Variants in MDP1 observed in about 807,000 individuals in gnomAD.
MDP1 encodes magnesium dependent phosphatase 1.
A neutral mutation model predicts 21.6 loss-of-function variants in MDP1; 18 were observed. That is an observed-to-expected ratio of 0.83 (90% CI 0.58 to 1.24). The LOEUF (loss-of-function observed/expected upper bound fraction) is 1.24, where lower values mean the gene tolerates loss of function less well. Ranked by LOEUF, MDP1 falls within the 50% of genes most tolerant of loss-of-function variation. MDP1 has a pLI of 0.00. For synonymous variants in MDP1, 101 were observed against 83.2 expected, an observed-to-expected ratio of 1.21 and a Z score of -1.16; for missense variants, 207 against 218.6, an observed-to-expected ratio of 0.95 and a Z score of 0.33.
chr14:24,214,651 G>C (rs149130187), intron 3 of MDP1, 52 bp from the exon 4 acceptor site: 13 of 1,593,152 alleles, frequency 8.2e-6, no homozygotes, highest in Middle Eastern at 1.8e-4. Context: ...CCAGGGCTAC[G>C]TTAACTTATT....
Position 24,214,374 on chromosome 14 carries a change from A to T in MDP1, c.339T>A (p.Ile113=), listed in dbSNP as rs757926155. Residue 113 remains isoleucine, a synonymous_variant, in exon 5 of 6, where the codon ATT becomes ATA. Coordinates refer to ENST00000288087, the MANE Select transcript of MDP1 (RefSeq NM_138476.4). ...HFERLQQKTG[I]PFSQMIFFDD... ...CAAAGAAGATCATCTGGGAGAAAGGAATTCCAGTCTTCTGCTGCAACCTAT... is the reference window on the plus strand; with the variant it reads ...CAAAGAAGATCATCTGGGAGAAAGGTATTCCAGTCTTCTGCTGCAACCTAT... 6.2e-7 allele frequency: 1 copy of T among 1,614,200 alleles called. No individual in the cohort carries two copies. The highest frequency in any genetic ancestry group is 1.1e-5 in the South Asian group (1 of 91,076).
intron 5 of MDP1, 72 bp downstream of exon 5, chr14:24,214,238 A>G: frequency 6.2e-7 from 1 of 1,612,522 alleles, no homozygotes. Context: ...TATAGGGCAA[A>G]CTATCCAACC....
rs767865585 is a variant in MDP1, at chr14:24,215,935, C to T, written c.21G>A (p.Leu7=). Residue 7 remains leucine (L), a synonymous_variant, in exon 1 of 6, where the codon CTG becomes CTA. Transcript: ENST00000288087. ...GTCCCTCACCCAAATCAAAGACTGC[C>T]AGCTTCGGTAGCCGCGCCATGACCC... The part of the protein sequence containing the change: MARLPK[L]AVFDLDYTLW... 1 of 1,614,196 alleles carries T rather than the reference C, an allele frequency of 6.2e-7. No individual in the cohort carries two copies. The highest frequency in any genetic ancestry group is 1.1e-5 in the South Asian group (1 of 91,082).
chr14:24,215,408 A>G (rs1201118200), intron 3 of MDP1, 144 bp downstream of exon 3: 4 of 983,100 alleles, frequency 4.1e-6, no homozygotes, highest in African/African-American at 1.6e-5. Context: ...TTAATAGTTA[A>G]AAGGCACAGG....
Position 24,215,672 on chromosome 14 carries a change from G to GC in MDP1, c.99-11dup. ...TCGTACAGTTCCATCACTGGAGAGG[G>GC]CAAGAGTGCGCTCAGCCCTGGCTGG... On this transcript the variant is annotated splice_polypyrimidine_tract_variant and intron_variant, in intron 2 of 5. Transcript: ENST00000288087. The GC allele has an allele frequency of 6.2e-7, 1 of 1,614,210 alleles. No individual in the cohort carries two copies.
In MDP1 at chr14:24,214,302, C is replaced by G; in HGVS notation, c.403+8G>C. On this transcript the variant is annotated splice_region_variant and intron_variant, in intron 5 of 5. Coordinates refer to ENST00000288087, the MANE Select transcript of MDP1 (RefSeq NM_138476.4). ...GACCCCAAATGGCTGTTCCTCATCA[C>G]TCAGTACCCAGTTTGCTGACGTCTA... 1 of 1,614,250 alleles carries G rather than the reference C, an allele frequency of 6.2e-7. No homozygotes were observed. The highest frequency in any genetic ancestry group is 8.5e-7 in the Non-Finnish European group (1 of 1,180,044).
rs572453234 is a variant in MDP1, at chr14:24,214,578, G to A, written c.231C>T (p.Ala77=). Residue 77 remains alanine, a synonymous_variant, in exon 4 of 6, where the codon GCC becomes GCT. Transcript: ENST00000288087. The part of the protein sequence containing the change: ...AASRTSEIEG[A]NQLLELFDLF... ...GGTCAAAGAGCTCCAGTAGCTGGTT[G>A]GCCCCTTCTATCTCACTTGTCCTGC... is the stretch of plus-strand genomic sequence containing the variant. The A allele has an allele frequency of 6.3e-5, 101 of 1,614,184 alleles. 1 individual carries two copies. In the South Asian group the frequency reaches 7.7e-4, roughly 12 times the overall value.
chr14:24,215,415 C>A lies in MDP1; in HGVS notation c.209+137G>T, dbSNP rs1191178505. On this transcript the variant is annotated intron_variant, in intron 3 of 5. Coordinates refer to ENST00000288087, the MANE Select transcript of MDP1 (RefSeq NM_138476.4). ...CCCACTTTTTAATAGTTAAAAGGCACAGGAGAGCGTTCAAGGGAAAAAATA... is the reference window on the plus strand; with the variant it reads ...CCCACTTTTTAATAGTTAAAAGGCAAAGGAGAGCGTTCAAGGGAAAAAATA... The A allele has an allele frequency of 7.7e-6, 8 of 1,035,702 alleles. No homozygotes were observed. The South Asian group carries it at 1.0e-4, about 13-fold the overall frequency. The allele number at this position is 1,035,702 out of a possible 1,614,324, so 64.2% of individuals were successfully genotyped here.
rs748473647 is a variant in MDP1 at position 24,214,500 on chromosome 14, G to T, written c.309C>A (p.His103Gln). 1 of 1,614,196 alleles carries T rather than the reference G, an allele frequency of 6.2e-7. No homozygotes were observed. The highest frequency in any genetic ancestry group is 1.7e-5 in the Admixed American group (1 of 60,016). Residue 103 changes from histidine (H) to glutamine (Q), a missense_variant, in exon 4 of 6, where the codon CAC becomes CAA. Coordinates refer to ENST00000288087, the MANE Select transcript of MDP1 (RefSeq NM_138476.4). ...CCCTTATCTCCGCATACCTCTCAAA[G>T]TGTGTGATCTTGCTGCCTGGATAGA... is the stretch of plus-strand genomic sequence containing the variant. ...REIYPGSKIT[H>Q]FERLQQKTGI... is the part of the protein sequence containing the mutation.
At position 24,215,816 on chromosome 14, in the gene MDP1, G is replaced by C. The variant is rs1319638278; in HGVS notation, c.38-19C>G. 6.2e-7 allele frequency: 1 copy of C among 1,614,118 alleles called. No individual in the cohort carries two copies. The highest frequency in any genetic ancestry group is 1.3e-5 in the African/African-American group (1 of 74,942). On this transcript the variant is annotated intron_variant, in intron 1 of 5. Transcript: ENST00000288087. ...GTGTAATCTGCGAGAGGAAGGAGAG[G>C]GAAGGTTCAGCCTGGGGCGGGAGAT... is the stretch of plus-strand genomic sequence containing the variant.
At position 24,213,982 on chromosome 14, in the gene MDP1, T is replaced by C; in HGVS notation, c.*42A>G. ...TCACACACAGATGAACTTTAATAAA[T>C]TACAAATGCACCTGAAAATGCCTTC... is the stretch of plus-strand genomic sequence containing the variant. On this transcript the variant is annotated 3_prime_UTR_variant, in exon 6 of 6. Transcript: ENST00000288087. 1 of 1,539,720 alleles carries C rather than the reference T, an allele frequency of 6.5e-7. No individual in the cohort carries two copies.
In MDP1 at chr14:24,215,944, T is replaced by TA. The variant is rs2039688627; in HGVS notation, c.11dup (p.Pro5ThrfsTer7). ...CCAAATCAAAGACTGCCAGCTTCGG[T>TA]AGCCGCGCCATGACCCGCACCGCAG... is the stretch of plus-strand genomic sequence containing the variant. On this transcript the variant is annotated frameshift_variant, in exon 1 of 6. Coordinates refer to ENST00000288087, the MANE Select transcript of MDP1 (RefSeq NM_138476.4). LOFTEE classifies it high-confidence loss of function. 6.2e-7 allele frequency: 1 copy of TA among 1,614,170 alleles called. No homozygotes were observed. The highest frequency in any genetic ancestry group is 1.3e-5 in the African/African-American group (1 of 75,050).
In MDP1 at chr14:24,215,966, G is replaced by A. The variant is rs1263353128; in HGVS notation, c.-11C>T. The A allele has an allele frequency of 1.2e-6, 2 of 1,613,968 alleles. No homozygotes were observed. Among genetic ancestry groups the A allele is most frequent in the Non-Finnish European group, 1.7e-6 (2 of 1,180,008 alleles). ...CGGTAGCCGCGCCATGACCCGCACC[G>A]CAGGCTGCGCGCAGCAGAGGTGGGG... On this transcript the variant is annotated 5_prime_UTR_variant, in exon 1 of 6. Coordinates refer to ENST00000288087, the MANE Select transcript of MDP1 (RefSeq NM_138476.4).
chr14:24,215,713 C>T (rs1208065174), intron 2 of MDP1, 24 bp downstream of exon 2: 2 of 1,614,200 alleles, frequency 1.2e-6, no homozygotes, highest in Admixed American at 1.7e-5. Context: ...ATCTCGCCCC[C>T]AGTCTTCCCT....
chr14:24,215,692 G>C (rs1323294831), intron 2 of MDP1, 30 bp from the exon 3 acceptor site: 42 of 1,614,162 alleles, frequency 2.6e-5, no homozygotes, highest in Non-Finnish European at 3.6e-5. Context: ...GCTCAGCCCT[G>C]GCTGGGTCCT....
Position 24,214,077 on chromosome 14 carries a change from C to A in MDP1, c.478G>T (p.Ala160Ser). The A allele has an allele frequency of 1.2e-6, 2 of 1,613,282 alleles. No homozygotes were observed. Among genetic ancestry groups the A allele is most frequent in the South Asian group, 2.2e-5 (2 of 90,992 alleles). ...CTGGACCTCAAAGGCCCAGTTTGGGCCTTCGCAAATGTCTCTAACCCTTGA... is the reference window on the plus strand; with the variant it reads ...CTGGACCTCAAAGGCCCAGTTTGGGACTTCGCAAATGTCTCTAACCCTTGA... ...LSQGLETFAK[A>S]QTGPLRSSLE... Residue 160 changes from alanine to serine, a missense_variant, in exon 6 of 6, where the codon GCC becomes TCC. Ala to Ser is a moderately conservative substitution (Grantham distance 99, BLOSUM62 1). Coordinates refer to ENST00000288087, the MANE Select transcript of MDP1 (RefSeq NM_138476.4).
At chr14:24,214,265 A>C in intron 5 of MDP1, 45 bp downstream of exon 5, 2 of 1,613,834 alleles carry the variant, frequency 1.2e-6, no homozygotes, top group Non-Finnish European at 1.7e-6. Flanking sequence ...TATCTACCTA[A>C]TCCCTCCTAG....
rs976530388 is a variant in MDP1 at position 24,214,107 on chromosome 14, G to C, written c.448C>G (p.Leu150Val). Reference protein sequence around the residue: ...HIQNGMNLQTLSQGLETFAKA... With the variant: ...HIQNGMNLQTVSQGLETFAKA... ...GCAAATGTCTCTAACCCTTGACTTA[G>C]AGTTTGAAGATTCATTCCATTCTGG... is the stretch of plus-strand genomic sequence containing the variant. The change falls in exon 6 of 6, where the codon CTA (leucine) becomes GTA (valine). Residue 150 changes from leucine to valine, a missense_variant. By Grantham distance (32) the Leu-to-Val change is conservative. Transcript: ENST00000288087. 25 of 1,613,600 alleles carry C rather than the reference G, an allele frequency of 1.5e-5. No homozygotes were observed. Among genetic ancestry groups the C allele is most frequent in the Non-Finnish European group, 2.0e-5 (24 of 1,179,852 alleles).
Position 24,214,047 on chromosome 14 carries a change from C to T in MDP1, c.508G>A (p.Glu170Lys), listed in dbSNP as rs751563297. The T allele has an allele frequency of 1.1e-5, 17 of 1,597,090 alleles. No homozygotes were observed. The highest frequency in any genetic ancestry group is 8.9e-5 in the Admixed American group (5 of 56,152). The change falls in exon 6 of 6, where the codon GAG becomes AAG. Residue 170 changes from glutamate to lysine, a missense_variant. Coordinates refer to ENST00000288087, the MANE Select transcript of MDP1 (RefSeq NM_138476.4). ...AQTGPLRSSL[E>K]ESPFEA ...GTTTAGGCCTCAAATGGGCTCTCCT[C>T]AAGGCTGGACCTCAAAGGCCCAGTT...
Sources: gnomAD v4.1 joint callset for allele counts on GRCh38, gnomAD v4.1.1 for gene constraint, MANE v1.5 for transcripts, NCBI Gene and HGNC (gene_info 2026-07-23, HGNC 2026-07-21) for gene names.